The following JAZF1 variants were observed in gnomAD, a reference collection of about 807,000 sequenced individuals.
The protein encoded by JAZF1 is JAZF zinc finger 1, also known as juxtaposed with another zinc finger protein 1.
In JAZF1, 8 loss-of-function variants were observed where a neutral mutation model predicts 26.4. That is an observed-to-expected ratio of 0.30 (90% confidence interval 0.18 to 0.55). The LOEUF (loss-of-function observed/expected upper bound fraction) is 0.55. JAZF1 is among the 20% of genes least tolerant of loss of function. The probability of loss-of-function intolerance (pLI) is 0.94; values close to 1 mark genes in which losing one functional copy is unlikely to be tolerated. For missense variants in JAZF1, 199 were observed against 322.0 expected, an observed-to-expected ratio of 0.62 and a Z score of 2.92; for synonymous variants, 126 against 122.3, an observed-to-expected ratio of 1.03 and a Z score of -0.20.
chr7:27,867,821 A>G (rs1382858676), intron 3 of JAZF1, among the ~76,000 whole-genome samples: 2 of 152,256 alleles, frequency 1.3e-5, no homozygotes, highest in African/African-American at 4.8e-5. Flanking sequence ...TTCATGTCCT[A>G]CATGCTTATC....
chr7:27,947,153 T>C (rs1257203201), intron 2 of JAZF1, among the ~76,000 whole-genome samples: 2 of 152,236 alleles, frequency 1.3e-5, no homozygotes, highest in African/African-American at 4.8e-5. Context: ...CTGTTACTTA[T>C]GCCATGACAT....
At chr7:28,067,449 A>T (rs190052158) in intron 1 of JAZF1, among the ~76,000 whole-genome samples, 4 of 152,286 alleles carry the variant, frequency 2.6e-5, no homozygotes, top group Admixed American at 2.6e-4. Context: ...GCAACTAAAG[A>T]GGTGACCACA....
chr7:28,127,394 G>A (rs1217418694), intron 1 of JAZF1, among the ~76,000 whole-genome samples: 7 of 152,170 alleles, frequency 4.6e-5, no homozygotes, highest in Admixed American at 2.0e-4. Flanking sequence ...AAGTGGCCTA[G>A]CATGGACCTG....
At chr7:28,066,941 A>G (rs1267348078) in intron 1 of JAZF1, among the ~76,000 whole-genome samples, 2 of 152,216 alleles carry the variant, frequency 1.3e-5, no homozygotes, top group Non-Finnish European at 2.9e-5. Context: ...ATCCAGAGCC[A>G]AGAAGAACTA....
intron 2 of JAZF1, among the ~76,000 whole-genome samples, chr7:27,939,645 G>A (rs1357241812): frequency 6.6e-6 from 1 of 152,114 alleles, no homozygotes; most frequent in Non-Finnish European, 1.5e-5. Context: ...AGAAATGGCT[G>A]TGGCCTCCTA....
intron 1 of JAZF1, among the ~76,000 whole-genome samples, chr7:28,059,608 T>G (rs994062807): frequency 3.9e-5 from 6 of 152,200 alleles, no homozygotes; most frequent in Non-Finnish European, 1.5e-5. Context: ...TCTTATCTTT[T>G]TATTCATGAT....
At chr7:28,102,594 T>C (rs28576490) in intron 1 of JAZF1, among the ~76,000 whole-genome samples, 39,645 of 89,710 alleles carry the variant, frequency 0.44, 5,382 homozygotes, top group East Asian at 0.68. Context: ...CAAATTCATT[T>C]TTTGAAAAAA....
intron 2 of JAZF1, among the ~76,000 whole-genome samples, chr7:27,972,602 A>G (rs1249505005): frequency 1.3e-5 from 2 of 152,328 alleles, no homozygotes; most frequent in East Asian, 3.9e-4. Flanking sequence ...GCAAAGAAAT[A>G]TAGGTCTGTA....
At chr7:27,934,451 T>A (rs73685861) in intron 2 of JAZF1, among the ~76,000 whole-genome samples, 4,492 of 147,406 alleles carry the variant, frequency 0.03, 220 homozygotes, top group African/African-American at 0.1. Flanking sequence ...TGAGGATTTT[T>A]CATTTTACCA....
Position 27,840,943 on chromosome 7 carries a change from A to G in JAZF1, c.386-76T>C. On this transcript the variant is annotated intron_variant, in intron 3 of 4. Transcript: ENST00000283928. The surrounding 1 kb of genome is among the most constrained non-coding windows in gnomAD (Gnocchi z 5.1). ...AGGTTCACCCGGCCACTTCCAGGACAGGAGATGTGGCCGTGGCAGAGCAGC... is the reference window on the plus strand; with the variant it reads ...AGGTTCACCCGGCCACTTCCAGGACGGGAGATGTGGCCGTGGCAGAGCAGC... 1 of 1,511,768 alleles carries G rather than the reference A, an allele frequency of 6.6e-7. No homozygotes were observed. Among genetic ancestry groups the G allele is most frequent in the South Asian group, 1.2e-5 (1 of 84,542 alleles). 93.6% of individuals were successfully genotyped at this position (1,511,768 alleles called of 1,614,324 possible).
intron 3 of JAZF1, among the ~76,000 whole-genome samples, chr7:27,885,317 T>C (rs1183921380): frequency 1.3e-5 from 2 of 152,232 alleles, no homozygotes; most frequent in Non-Finnish European, 2.9e-5. Flanking sequence ...CATCCAGTGC[T>C]CTGTTTCTTA....
At chr7:27,914,877 A>G in intron 2 of JAZF1, 1 of 470,692 alleles carries the variant, frequency 2.1e-6, no homozygotes, top group Non-Finnish European at 4.4e-6. Context: ...ACCTCCCTCT[A>G]GTGTGCTCAT....
chr7:27,879,276 A>G (rs1369333620), intron 3 of JAZF1, among the ~76,000 whole-genome samples: 1 of 152,326 alleles, frequency 6.6e-6, no homozygotes, highest in East Asian at 1.9e-4. Flanking sequence ...TCAAGGGACC[A>G]CATTACCTGT....
intron 3 of JAZF1, among the ~76,000 whole-genome samples, chr7:27,848,391 A>G (rs1783072253): frequency 6.6e-6 from 1 of 152,176 alleles, no homozygotes; most frequent in Admixed American, 6.5e-5. Flanking sequence ...TTGTATATTG[A>G]TAACGTATCC....
At chr7:27,984,922 C>T (rs1350511760) in intron 2 of JAZF1, among the ~76,000 whole-genome samples, 1 of 152,190 alleles carries the variant, frequency 6.6e-6, no homozygotes, top group Non-Finnish European at 1.5e-5. Context: ...AAAGACACAA[C>T]ATACCAGAAT....
At chr7:28,017,664 C>T (rs911306062) in intron 1 of JAZF1, among the ~76,000 whole-genome samples, 1 of 152,262 alleles carries the variant, frequency 6.6e-6, no homozygotes, top group Non-Finnish European at 1.5e-5. Context: ...GAGTGCAGCA[C>T]TGGCCAGATA....
chr7:28,168,298 T>C (rs571327318), intron 1 of JAZF1, among the ~76,000 whole-genome samples: 2 of 144,820 alleles, frequency 1.4e-5, no homozygotes, highest in African/African-American at 2.6e-5. Context: ...AGGAGAATGG[T>C]GTGAACCCAG....
At chr7:27,910,324 C>G (rs7804617) in intron 2 of JAZF1, among the ~76,000 whole-genome samples, 36,777 of 152,076 alleles carry the variant, frequency 0.24, 4,907 homozygotes, top group Non-Finnish European at 0.3. Flanking sequence ...AGCTCCCATG[C>G]AAAGCCTGCA....
intron 1 of JAZF1, chr7:28,020,944 A>C (rs1413439514): frequency 3.2e-6 from 1 of 316,846 alleles, no homozygotes; most frequent in East Asian, 8.1e-5. Context: ...GGTTCTTTGG[A>C]ATTTCAAAAT....
Sources: gnomAD v4.1 joint callset for allele counts (sites outside exome capture counted in the v4.1 genomes callset) on GRCh38, gnomAD v4.1.1 for gene constraint, Gnocchi (gnomAD v3.1) non-coding constraint, MANE v1.5 for transcripts, NCBI Gene and HGNC (gene_info 2026-07-23, HGNC 2026-07-21) for gene names.